Variants in LHFPL6 observed in about 807,000 individuals in gnomAD.
LHFPL6 encodes LHFPL tetraspan subfamily member 6, also known as LHFPL tetraspan subfamily member 6 protein.
A neutral mutation model predicts 20.6 loss-of-function variants in LHFPL6; 9 were observed. That is an observed-to-expected ratio of 0.44 (90% confidence interval 0.26 to 0.76). The LOEUF (loss-of-function observed/expected upper bound fraction) is 0.76. Ranked by LOEUF, LHFPL6 falls within the 30% of genes least tolerant of loss-of-function variation. LHFPL6 has a pLI of 0.20. For synonymous variants in LHFPL6, 105 were observed against 98.7 expected (o/e 1.06, Z -0.38); for missense variants, 218 against 253.5 (o/e 0.86, Z 0.95).
intron 2 of LHFPL6, among the ~76,000 whole-genome samples, chr13:39,501,979 G>A (rs1869308838): frequency 1.3e-5 from 2 of 152,216 alleles, no homozygotes. Flanking sequence ...CAAGGGCCCA[G>A]GAGGTCTGCA....
intron 2 of LHFPL6, among the ~76,000 whole-genome samples, chr13:39,576,744 A>G (rs959154035): frequency 6.6e-6 from 1 of 152,124 alleles, no homozygotes; most frequent in African/African-American, 2.4e-5. Flanking sequence ...AGTGATCCTC[A>G]CAACTCGGCC....
chr13:39,565,914 G>A (rs145032394), intron 2 of LHFPL6, among the ~76,000 whole-genome samples: 2 of 152,280 alleles, frequency 1.3e-5, no homozygotes, highest in East Asian at 3.9e-4. Flanking sequence ...ATAACAACAG[G>A]AAGAAACTTT....
At chr13:39,488,096 C>A (rs896559840) in intron 2 of LHFPL6, among the ~76,000 whole-genome samples, 1 of 152,128 alleles carries the variant, frequency 6.6e-6, no homozygotes. Flanking sequence ...AAGGGCCCCA[C>A]CTTCATGAAC....
At chr13:39,548,782 C>A (rs1206436694) in intron 2 of LHFPL6, among the ~76,000 whole-genome samples, 2 of 151,944 alleles carry the variant, frequency 1.3e-5, no homozygotes. Context: ...TAAAGTGAGG[C>A]CTGGAACACC....
chr13:39,449,119 G>A (rs974037836), intron 2 of LHFPL6, among the ~76,000 whole-genome samples: 1 of 152,164 alleles, frequency 6.6e-6, no homozygotes, highest in East Asian at 1.9e-4. Context: ...ACTGCATCTC[G>A]GCTGCATGGG....
chr13:39,567,693 G>T (rs1871771747), intron 2 of LHFPL6, among the ~76,000 whole-genome samples: 1 of 152,066 alleles, frequency 6.6e-6, no homozygotes, highest in Non-Finnish European at 1.5e-5. Flanking sequence ...ACAAAAACAG[G>T]CTTCAGGCTG....
At chr13:39,516,476 T>G (rs1869922409) in intron 2 of LHFPL6, among the ~76,000 whole-genome samples, 1 of 152,256 alleles carries the variant, frequency 6.6e-6, no homozygotes, top group Non-Finnish European at 1.5e-5. Flanking sequence ...TCTCTATATG[T>G]TTCTCGTTTT....
chr13:39,487,028 C>G (rs1467960019), intron 2 of LHFPL6, among the ~76,000 whole-genome samples: 1 of 152,166 alleles, frequency 6.6e-6, no homozygotes, highest in East Asian at 1.9e-4. Context: ...TGTAAATTTA[C>G]CCTTTCTATC....
chr13:39,531,598 T>A (rs1870467073), intron 2 of LHFPL6, among the ~76,000 whole-genome samples: 1 of 152,074 alleles, frequency 6.6e-6, no homozygotes, highest in Non-Finnish European at 1.5e-5. Context: ...TGGTTGAGCA[T>A]TAGGTTGTAA....
At chr13:39,515,277 G>A (rs1869869785) in intron 2 of LHFPL6, among the ~76,000 whole-genome samples, 1 of 152,228 alleles carries the variant, frequency 6.6e-6, no homozygotes, top group Admixed American at 6.5e-5. Context: ...GACCTCTGCA[G>A]CTACTTCAGG....
chr13:39,533,965 T>G, intron 2 of LHFPL6, among the ~76,000 whole-genome samples: 1 of 152,180 alleles, frequency 6.6e-6, no homozygotes, highest in Non-Finnish European at 1.5e-5. Flanking sequence ...CAGTATAAAA[T>G]ACATATGTAC....
rs77123832 is a variant in LHFPL6, at chr13:39,495,614, T to G, written c.385+105218A>C. Reference sequence around the variant, plus strand: ...ACGACCATACTAGGCTTTTTTTTTTTTTGTAAGTATATGATCGTGTAATAA... The same window carrying G: ...ACGACCATACTAGGCTTTTTTTTTTGTTGTAAGTATATGATCGTGTAATAA... On this transcript the variant is annotated intron_variant, in intron 2 of 3. Transcript: ENST00000379589. 8.5e-3 allele frequency among the ~76,000 whole-genome samples: 1,286 copies of G among 151,936 alleles called. 40 individuals are homozygous for G. Among genetic ancestry groups the G allele is most frequent in the Admixed American group, 0.059 (898 of 15,220 alleles).
At chr13:39,487,896 T>C (rs1868779202) in intron 2 of LHFPL6, among the ~76,000 whole-genome samples, 1 of 152,126 alleles carries the variant, frequency 6.6e-6, no homozygotes, top group African/African-American at 2.4e-5. Context: ...AAATATAAAA[T>C]TAGCCGGGCA....
intron 2 of LHFPL6, among the ~76,000 whole-genome samples, chr13:39,571,721 C>T (rs1167499685): frequency 1.3e-5 from 2 of 152,258 alleles, no homozygotes; most frequent in East Asian, 3.8e-4. Flanking sequence ...AACTGAGCTG[C>T]TAACACACCG....
intron 2 of LHFPL6, among the ~76,000 whole-genome samples, chr13:39,500,233 G>T (rs181487615): frequency 1.8e-4 from 28 of 151,924 alleles, no homozygotes; most frequent in African/African-American, 6.5e-4. Context: ...ACAGGGTCTT[G>T]CTCTGTTGCC....
At chr13:39,532,731 T>C (rs2138496300) in intron 2 of LHFPL6, among the ~76,000 whole-genome samples, 1 of 152,274 alleles carries the variant, frequency 6.6e-6, no homozygotes, top group Non-Finnish European at 1.5e-5. Flanking sequence ...ATGCTGTCAT[T>C]CCAACTTATG....
rs371200680 is a variant in LHFPL6 at position 39,431,411 on chromosome 13, C to T, written c.386-52885G>A. 1.8e-3 allele frequency among the ~76,000 whole-genome samples: 274 copies of T among 152,202 alleles called. 1 individual carries two copies. The highest frequency in any genetic ancestry group is 5.8e-3 in the African/African-American group (240 of 41,522). The stretch of plus-strand genomic sequence containing the variant: ...TCCACGGCTTCATTCTTGAAGTCAG[C>T]GAGACCAAGAACCCACTGGAAGGAA... On this transcript the variant is annotated intron_variant, in intron 2 of 3. Coordinates refer to ENST00000379589, the MANE Select transcript of LHFPL6 (RefSeq NM_005780.3).
chr13:39,555,603 G>C (rs565454869), intron 2 of LHFPL6, among the ~76,000 whole-genome samples: 2 of 152,058 alleles, frequency 1.3e-5, no homozygotes, highest in East Asian at 1.9e-4. Flanking sequence ...TATTGAAACT[G>C]GTGTTCACAA....
chr13:39,553,763 C>T (rs777849081), intron 2 of LHFPL6, among the ~76,000 whole-genome samples: 102 of 152,054 alleles, frequency 6.7e-4, no homozygotes, highest in Admixed American at 2.3e-3. Context: ...GAATCCTGAC[C>T]CACTGTCATG....
Sources: gnomAD v4.1 joint callset for allele counts (sites outside exome capture counted in the v4.1 genomes callset) on GRCh38, gnomAD v4.1.1 for gene constraint, MANE v1.5 for transcripts, NCBI Gene and HGNC (gene_info 2026-07-23, HGNC 2026-07-21) for gene names.